RARB: variants seen among roughly 807,000 people sequenced by gnomAD.
The protein encoded by RARB is HBV-activated protein.
RARB carries 17 observed loss-of-function variants against 51.9 expected under a neutral mutation model. The ratio of observed to expected loss-of-function variants is 0.33; its 90% CI spans 0.22 to 0.49. RARB has a LOEUF of 0.49. Among genes scored for constraint, RARB ranks in the 20% least tolerant of loss-of-function variants. The pLI, the probability that RARB is intolerant of heterozygous loss-of-function variation, is 0.99. For missense variants in RARB, 369 were observed against 550.8 expected, an observed-to-expected ratio of 0.67 and a Z score of 3.30; for synonymous variants, 215 against 195.4, an observed-to-expected ratio of 1.10 and a Z score of -0.84.
At chr3:25,205,428 T>C (rs1235829393) in intron 5 of RARB, among the ~76,000 whole-genome samples, 2 of 152,130 alleles carry the variant, frequency 1.3e-5, no homozygotes, top group African/African-American at 2.4e-5. Flanking sequence ...CTGCATCCAC[T>C]GTCCTGCACC....
At chr3:25,314,474 G>C (rs1704368925) in intron 5 of RARB, among the ~76,000 whole-genome samples, 1 of 152,122 alleles carries the variant, frequency 6.6e-6, no homozygotes, top group African/African-American at 2.4e-5. Flanking sequence ...TTTTAAGATA[G>C]TTTAAGTTTC....
chr3:24,966,148 C>A (rs1345653618), intron 2 of RARB, among the ~76,000 whole-genome samples: 1 of 151,064 alleles, frequency 6.6e-6, no homozygotes, highest in Non-Finnish European at 1.5e-5. Flanking sequence ...TTCTTTGGCA[C>A]TGACCTTTGG....
At chr3:25,326,849 A>G (rs1367551950) in intron 5 of RARB, among the ~76,000 whole-genome samples, 1 of 151,894 alleles carries the variant, frequency 6.6e-6, no homozygotes, top group Non-Finnish European at 1.5e-5. Context: ...TAATTTTATT[A>G]TTATTATACT....
At chr3:25,065,780 AG>A (rs1483687413) in intron 3 of RARB, among the ~76,000 whole-genome samples, 1 of 152,158 alleles carries the variant, frequency 6.6e-6, no homozygotes, top group Non-Finnish European at 1.5e-5. Flanking sequence ...ATGATGTCAA[AG>A]GGCTCACGCA....
At chr3:25,005,925 C>G (rs572076988) in intron 2 of RARB, among the ~76,000 whole-genome samples, 2 of 151,958 alleles carry the variant, frequency 1.3e-5, no homozygotes, top group African/African-American at 4.8e-5. Context: ...ACCTTTCTGA[C>G]TTCATCTCCT....
rs535062515 is a variant in RARB, at chr3:24,931,045, G to T, written c.-380+72293G>T. On this transcript the variant is annotated intron_variant, in intron 2 of 11. Transcript: ENST00000383772. ...AGAAAAGAGGAAACTTAAACACTAA[G>T]AAGTTAAGTGATTTGTTCAAGGTCA... Among the ~76,000 whole-genome samples, 6 of 152,096 alleles carry T rather than the reference G, an allele frequency of 3.9e-5. No homozygotes were observed. The South Asian group carries it at 1.0e-3, about 26-fold the overall frequency.
intron 2 of RARB, among the ~76,000 whole-genome samples, chr3:24,870,028 T>C (rs1702918869): frequency 6.6e-6 from 1 of 152,100 alleles, no homozygotes; most frequent in Admixed American, 6.6e-5. Context: ...AGTGAACATT[T>C]ACGCTGCATT....
intron 2 of RARB, among the ~76,000 whole-genome samples, chr3:24,951,043 G>GT: frequency 1.3e-5 from 2 of 152,304 alleles, no homozygotes; most frequent in African/African-American, 4.8e-5. Context: ...GGGCAAGCTA[G>GT]TAGGGATCTC....
At chr3:24,968,441 T>C (rs1248586032) in intron 2 of RARB, among the ~76,000 whole-genome samples, 7 of 152,066 alleles carry the variant, frequency 4.6e-5, no homozygotes, top group African/African-American at 1.7e-4. Context: ...CCTTAGAAAT[T>C]AGTGGTGGTT....
At chr3:25,322,233 G>A (rs1310083130) in intron 5 of RARB, among the ~76,000 whole-genome samples, 1 of 151,954 alleles carries the variant, frequency 6.6e-6, no homozygotes, top group African/African-American at 2.4e-5. Context: ...GGGGAAGCAA[G>A]CTTCCTACCT....
chr3:25,384,258 G>C (rs941168223), intron 5 of RARB, among the ~76,000 whole-genome samples: 1 of 152,142 alleles, frequency 6.6e-6, no homozygotes, highest in African/African-American at 2.4e-5. Context: ...TGAAAAGTCA[G>C]TATAATGTCT....
chr3:25,250,040 A>G (rs1226247968), intron 5 of RARB, among the ~76,000 whole-genome samples: 1 of 152,092 alleles, frequency 6.6e-6, no homozygotes, highest in African/African-American at 2.4e-5. Context: ...TAATGGCAGT[A>G]GCAGTGGTAG....
chr3:25,115,231 G>A (rs1699666394), intron 3 of RARB, among the ~76,000 whole-genome samples: 1 of 152,060 alleles, frequency 6.6e-6, no homozygotes, highest in African/African-American at 2.4e-5. Flanking sequence ...GTCTACCTAA[G>A]TCCCAGGGAG....
intron 5 of RARB, among the ~76,000 whole-genome samples, chr3:25,183,487 C>T (rs1279436657): frequency 6.6e-6 from 1 of 152,058 alleles, no homozygotes; most frequent in Non-Finnish European, 1.5e-5. Context: ...AAACCTTTGC[C>T]TCAAAACCCT....
chr3:25,164,875 T>C (rs1700535108), intron 4 of RARB, among the ~76,000 whole-genome samples: 1 of 152,178 alleles, frequency 6.6e-6, no homozygotes, highest in African/African-American at 2.4e-5. Flanking sequence ...TCTGTCTTGC[T>C]CTTTTCAGCA....
intron 5 of RARB, among the ~76,000 whole-genome samples, chr3:25,220,671 C>T (rs559662868): frequency 4.6e-5 from 7 of 152,304 alleles, no homozygotes; most frequent in African/African-American, 1.4e-4. Context: ...AAGATGCCTG[C>T]CTCCCCTTTG....
chr3:24,992,848 T>C (rs969852456), intron 2 of RARB, among the ~76,000 whole-genome samples: 1 of 151,486 alleles, frequency 6.6e-6, no homozygotes, highest in South Asian at 2.1e-4. Context: ...TGAAGTAGCA[T>C]TAGGGATTAG....
At chr3:25,059,139 AT>A (rs1315231753) in intron 2 of RARB, among the ~76,000 whole-genome samples, 1 of 151,706 alleles carries the variant, frequency 6.6e-6, no homozygotes, top group Non-Finnish European at 1.5e-5. Flanking sequence ...TTCCCATGAT[AT>A]TTTACATTTT....
At chr3:24,976,124 A>G (rs1304987976) in intron 2 of RARB, among the ~76,000 whole-genome samples, 3 of 152,168 alleles carry the variant, frequency 2.0e-5, no homozygotes, top group African/African-American at 7.2e-5. Flanking sequence ...GCTGCATAGT[A>G]TTCCATGGTA....
Sources: allele counts gnomAD v4.1 joint callset (sites outside exome capture counted in the v4.1 genomes callset), GRCh38; gene constraint gnomAD v4.1.1; transcripts MANE v1.5; gene names NCBI Gene and HGNC (gene_info 2026-07-23, HGNC 2026-07-21).